GASK1A: variants seen among roughly 807,000 people sequenced by gnomAD.
GASK1A encodes Golgi-associated kinase 1A.
In GASK1A, 40 loss-of-function variants were observed where a neutral mutation model predicts 41.2. That is an observed-to-expected ratio of 0.97 (90% CI 0.75 to 1.27). GASK1A has a LOEUF of 1.27. Among genes scored for constraint, GASK1A ranks in the 50% most tolerant of loss-of-function variants. The pLI is 0.00. For synonymous variants in GASK1A, 316 were observed against 307.1 expected, an observed-to-expected ratio of 1.03 and a Z score of -0.30; for missense variants, 678 against 745.1, an observed-to-expected ratio of 0.91 and a Z score of 1.05.
At chr3:43,042,715 A>G (rs999600991) in intron 2 of GASK1A, among the ~76,000 whole-genome samples, 16 of 152,066 alleles carry the variant, frequency 1.1e-4, no homozygotes, top group African/African-American at 3.6e-4. Context: ...TTGATGTTTA[A>G]AATTTAGGAG....
chr3:43,027,487 T>C (rs2089552143), intron 1 of GASK1A, among the ~76,000 whole-genome samples: 1 of 151,858 alleles, frequency 6.6e-6, no homozygotes, highest in South Asian at 2.1e-4. Flanking sequence ...TATATAGAAA[T>C]GTAAACACAT....
chr3:42,982,206 G>A (rs1307483136), intron 1 of GASK1A, among the ~76,000 whole-genome samples: 2 of 152,138 alleles, frequency 1.3e-5, no homozygotes, highest in African/African-American at 4.8e-5. Context: ...TGCAGTGGTG[G>A]TGGGAGGTTT....
chr3:43,025,833 G>A (rs1322016975), intron 1 of GASK1A, among the ~76,000 whole-genome samples: 5 of 152,180 alleles, frequency 3.3e-5, no homozygotes, highest in Non-Finnish European at 2.9e-5. Context: ...AAACACGGCA[G>A]CATAAACTCT....
intron 1 of GASK1A, among the ~76,000 whole-genome samples, chr3:42,997,439 G>A (rs79982294): frequency 7.8e-5 from 10 of 128,300 alleles, no homozygotes; most frequent in African/African-American, 2.6e-4. Context: ...ACAGAGAGAG[G>A]GGGGGGGGAT....
chr3:43,022,458 A>G (rs2089527039), intron 1 of GASK1A, among the ~76,000 whole-genome samples: 1 of 151,942 alleles, frequency 6.6e-6, no homozygotes, highest in South Asian at 2.1e-4. Flanking sequence ...TTGAGAATAC[A>G]TATTAGGAAT....
At chr3:43,023,549 G>A (rs994538819) in intron 1 of GASK1A, among the ~76,000 whole-genome samples, 1 of 152,186 alleles carries the variant, frequency 6.6e-6, no homozygotes, top group Non-Finnish European at 1.5e-5. Flanking sequence ...GCTTCCTCTG[G>A]GGAGGAGAAG....
chr3:43,055,743 C>T, intron 4 of GASK1A: 1 of 553,174 alleles, frequency 1.8e-6, no homozygotes, highest in Non-Finnish European at 3.3e-6. Flanking sequence ...TCCAGAGGGC[C>T]TCGTGCCTGC....
In GASK1A at chr3:43,033,493, G is replaced by A. The variant is rs537455161; in HGVS notation, c.1230G>A (p.Pro410=). 4.0e-5 allele frequency: 62 copies of A among 1,549,930 alleles called. No homozygotes were observed. Among genetic ancestry groups the A allele is most frequent in the Middle Eastern group, 1.7e-4 (1 of 5,968 alleles). The change falls in exon 2 of 5, where the codon CCG becomes CCA. Residue 410 remains proline (P), a synonymous_variant. Transcript: ENST00000430121. ...GCTGCAACTGGCCAGGCCAGGCCCC[G>A]TGCCCGGGCATCCACCATACCGAGT... ...AHSCNWPGQA[P]CPGIHHTEWA... is the part of the protein sequence containing the mutation.
At chr3:42,986,463 T>G (rs1292357467) in intron 1 of GASK1A, among the ~76,000 whole-genome samples, 1 of 152,210 alleles carries the variant, frequency 6.6e-6, no homozygotes. Flanking sequence ...TCAGGTTTAC[T>G]GTATGTAAAT....
rs990143811 is a variant in GASK1A, at chr3:43,053,663, TC to T, written c.1413+24del. ...ATCCTGGTACGTCTCCTCCACACCA[TC>T]CCCTTGTCACCCCAGACCCAGGTCT... is the stretch of plus-strand genomic sequence containing the variant. On this transcript the variant is annotated intron_variant, in intron 3 of 4. Transcript: ENST00000430121. The T allele has an allele frequency of 7.1e-6, 11 of 1,551,484 alleles. No homozygotes were observed. Among genetic ancestry groups the T allele is most frequent in the Non-Finnish European group, 9.6e-6 (11 of 1,146,940 alleles).
chr3:43,029,104 G>A (rs2001682), intron 1 of GASK1A, among the ~76,000 whole-genome samples: 54,646 of 151,940 alleles, frequency 0.36, 10,515 homozygotes, highest in Non-Finnish European at 0.44. Flanking sequence ...GGGAGGGAAG[G>A]TGAGCTTAAG....
At chr3:43,011,193 C>T (rs2089461766) in intron 1 of GASK1A, among the ~76,000 whole-genome samples, 1 of 151,984 alleles carries the variant, frequency 6.6e-6, no homozygotes. Flanking sequence ...ATCATCCTGG[C>T]CAACATGGTG....
At chr3:42,997,639 C>A (rs1012336831) in intron 1 of GASK1A, among the ~76,000 whole-genome samples, 2 of 152,188 alleles carry the variant, frequency 1.3e-5, no homozygotes, top group African/African-American at 2.4e-5. Context: ...TCCTCTTCTT[C>A]CCCCTCATAG....
intron 1 of GASK1A, among the ~76,000 whole-genome samples, chr3:42,990,500 A>C (rs2089335163): frequency 6.6e-6 from 1 of 152,148 alleles, no homozygotes; most frequent in African/African-American, 2.4e-5. Context: ...CACATTTACT[A>C]AGTTTTTTTA....
At chr3:43,053,759 G>T (rs2089703478) in intron 3 of GASK1A, 116 bp downstream of exon 3, 1 of 1,176,976 alleles carries the variant, frequency 8.5e-7, no homozygotes, top group Non-Finnish European at 1.2e-6. Flanking sequence ...TCCCAGTCTT[G>T]TTCTTTTCAG....
intron 1 of GASK1A, among the ~76,000 whole-genome samples, chr3:43,005,585 C>A (rs115241769): frequency 0.011 from 1,601 of 152,234 alleles, 15 homozygotes; most frequent in Admixed American, 0.015. Context: ...TATTTTACTT[C>A]ATCATGGCCC....
At chr3:43,000,705 T>G (rs957548017) in intron 1 of GASK1A, among the ~76,000 whole-genome samples, 7 of 152,342 alleles carry the variant, frequency 4.6e-5, no homozygotes, top group African/African-American at 1.7e-4. Context: ...ATTAATACTT[T>G]GTAAAGAATA....
chr3:43,036,881 T>C (rs951766119), intron 2 of GASK1A, among the ~76,000 whole-genome samples: 1 of 152,112 alleles, frequency 6.6e-6, no homozygotes, highest in African/African-American at 2.4e-5. Flanking sequence ...CATACCTTGA[T>C]TGTAGCCTGG....
intron 1 of GASK1A, among the ~76,000 whole-genome samples, chr3:42,989,462 G>A (rs1366837767): frequency 6.6e-6 from 1 of 152,196 alleles, no homozygotes; most frequent in East Asian, 1.9e-4. Flanking sequence ...TATTGTCACT[G>A]CTTCTTTTCC....
Sources: allele counts gnomAD v4.1 joint callset (sites outside exome capture counted in the v4.1 genomes callset), GRCh38; gene constraint gnomAD v4.1.1; transcripts MANE v1.5; gene names NCBI Gene and HGNC (gene_info 2026-07-23, HGNC 2026-07-21).